Variants in NEBL observed in about 807,000 individuals in gnomAD.
NEBL encodes LIM and SH3 protein 2.
A neutral mutation model predicts 140.2 loss-of-function variants in NEBL; 122 were observed. The ratio of observed to expected loss-of-function variants is 0.87; its 90% confidence interval spans 0.75 to 1.01. The LOEUF is 1.01. NEBL is among the 50% of genes least tolerant of loss of function. The pLI, the probability that NEBL is intolerant of heterozygous loss-of-function variation, is 0.00. For missense variants in NEBL, 1,365 were observed against 1,231.3 expected, an observed-to-expected ratio of 1.11 and a Z score of -1.62; for synonymous variants, 436 against 398.9, an observed-to-expected ratio of 1.09 and a Z score of -1.11.
chr10:21,215,491 A>G (rs1312112869), intron 3 of NEBL, among the ~76,000 whole-genome samples: 3 of 152,222 alleles, frequency 2.0e-5, no homozygotes, highest in Admixed American at 2.0e-4. Context: ...AATGTAGCAC[A>G]AAAGTAAATA....
In NEBL at chr10:20,869,751, T is replaced by C; in HGVS notation, c.571A>G (p.Ile191Val). Residue 191 changes from isoleucine to valine, a missense_variant, in exon 6 of 28, where the codon ATC (isoleucine) becomes GTC (valine). By Grantham distance (29) the Ile-to-Val change is conservative. Transcript: ENST00000377122. ...DIKMATQISK[I>V]ISNAEYKKGQ... The stretch of plus-strand genomic sequence containing the variant: ...GAAAGAGAAGTTACATTGCTTATGA[T>C]CTTAGAGATCTGGGTTGCCATCTTG... 1 of 1,607,818 alleles carries C rather than the reference T, an allele frequency of 6.2e-7. No homozygotes were observed. Among genetic ancestry groups the C allele is most frequent in the Non-Finnish European group, 8.5e-7 (1 of 1,174,282 alleles).
chr10:20,972,416 G>C (rs936222638), intron 3 of NEBL, among the ~76,000 whole-genome samples: 18 of 152,082 alleles, frequency 1.2e-4, no homozygotes, highest in Non-Finnish European at 2.6e-4. Flanking sequence ...AAAAAACTCT[G>C]TAAACAGCAA....
At chr10:21,112,991 G>A in intron 2 of NEBL, 1 of 296,250 alleles carries the variant, frequency 3.4e-6, no homozygotes, top group Non-Finnish European at 6.3e-6. Context: ...AGTTTCCACA[G>A]AAAAAAAGTA....
intron 4 of NEBL, among the ~76,000 whole-genome samples, chr10:20,941,918 A>G (rs1834890168): frequency 6.6e-6 from 1 of 152,214 alleles, no homozygotes; most frequent in South Asian, 2.1e-4. Context: ...ACTACAAACC[A>G]CTGCTCAATG....
chr10:20,992,155 T>C (rs1837481858), intron 3 of NEBL, among the ~76,000 whole-genome samples: 1 of 152,254 alleles, frequency 6.6e-6, no homozygotes, highest in African/African-American at 2.4e-5. Flanking sequence ...TTTCACTTTT[T>C]AAAAATTACT....
At chr10:21,238,736 A>AAGAG in intron 3 of NEBL, among the ~76,000 whole-genome samples, 1 of 150,262 alleles carries the variant, frequency 6.7e-6, no homozygotes, top group South Asian at 2.1e-4. Flanking sequence ...AAAAAAAAAA[A>AAGAG]AAAAAGAGAA....
At chr10:20,866,141 T>C (rs780683172) in intron 7 of NEBL, among the ~76,000 whole-genome samples, 11 of 152,174 alleles carry the variant, frequency 7.2e-5, no homozygotes, top group Non-Finnish European at 1.6e-4. Flanking sequence ...AATTGAACCC[T>C]AAAATGCTTC....
At chr10:20,863,468 T>A (rs149321738) in intron 7 of NEBL, among the ~76,000 whole-genome samples, 3 of 152,280 alleles carry the variant, frequency 2.0e-5, no homozygotes, top group East Asian at 3.9e-4. Flanking sequence ...TCCCCAGCAA[T>A]CTTGGATGAA....
chr10:20,844,685 A>G (rs554504936), intron 12 of NEBL, among the ~76,000 whole-genome samples: 1 of 152,038 alleles, frequency 6.6e-6, no homozygotes, highest in Admixed American at 6.6e-5. Context: ...CCTCTATTCT[A>G]TATGTTAAAT....
chr10:20,813,591 T>C (rs1838390445), intron 23 of NEBL: 1 of 214,166 alleles, frequency 4.7e-6, no homozygotes, highest in African/African-American at 2.3e-5. Context: ...AAAACACAGC[T>C]TTAAAAACAC....
intron 3 of NEBL, among the ~76,000 whole-genome samples, chr10:20,980,316 GT>G (rs11377677): frequency 2.0e-5 from 3 of 149,172 alleles, no homozygotes; most frequent in Admixed American, 6.7e-5. Flanking sequence ...ACATAAAAAA[GT>G]TTTTTTTGTT....
At chr10:21,213,358 A>G (rs927188938) in intron 3 of NEBL, among the ~76,000 whole-genome samples, 3 of 152,162 alleles carry the variant, frequency 2.0e-5, no homozygotes, top group Admixed American at 1.3e-4. Context: ...AGAAGATTCA[A>G]AACAGATGGA....
chr10:21,125,846 C>A lies in NEBL; in HGVS notation c.164+46537G>T. 1.9e-6 allele frequency: 3 copies of A among 1,611,776 alleles called. No homozygotes were observed. In the African/African-American group the frequency reaches 4.0e-5, roughly 22 times the overall value. ...ATTTACAAAAAAGTCATTTTCAGCA[C>A]CTTCTTAGATACGTTGAACTTTTCT... On this transcript the variant is annotated intron_variant, in intron 2 of 6. Transcript: ENST00000417816.
intron 4 of NEBL, among the ~76,000 whole-genome samples, chr10:20,905,147 A>G (rs1472642092): frequency 6.6e-6 from 1 of 152,236 alleles, no homozygotes; most frequent in Non-Finnish European, 1.5e-5. Flanking sequence ...CATTAGAACT[A>G]TAACTTACAC....
At chr10:21,026,322 T>C (rs1161294746) in intron 2 of NEBL, among the ~76,000 whole-genome samples, 1 of 55,378 alleles carries the variant, frequency 1.8e-5, no homozygotes, top group Non-Finnish European at 5.6e-5. Context: ...TATCCTACAG[T>C]ACACTGTACA....
chr10:20,795,227 A>G (rs889880769), intron 26 of NEBL, among the ~76,000 whole-genome samples: 1 of 152,314 alleles, frequency 6.6e-6, no homozygotes, highest in African/African-American at 2.4e-5. Flanking sequence ...TTGGGGCAGT[A>G]GAAGTGAGAA....
intron 21 of NEBL, 59 bp downstream of exon 21, chr10:20,817,541 A>T: frequency 7.7e-7 from 1 of 1,304,140 alleles, no homozygotes; most frequent in South Asian, 1.2e-5. Flanking sequence ...CAATCCCTTC[A>T]TTCACACGTG....
chr10:20,806,967 T>C (rs1210869447), intron 26 of NEBL, among the ~76,000 whole-genome samples: 1 of 152,156 alleles, frequency 6.6e-6, no homozygotes, highest in Admixed American at 6.5e-5. Context: ...AATATCAATA[T>C]TATTCTGCAT....
At chr10:21,266,105 G>T (rs1842794059) in intron 1 of NEBL, among the ~76,000 whole-genome samples, 1 of 151,874 alleles carries the variant, frequency 6.6e-6, no homozygotes, top group Admixed American at 6.6e-5. Flanking sequence ...CGATCACCAG[G>T]TATGCTGATT....
Sources: gnomAD v4.1 joint callset for allele counts (sites outside exome capture counted in the v4.1 genomes callset) on GRCh38, gnomAD v4.1.1 for gene constraint, MANE v1.5 for transcripts, NCBI Gene and HGNC (gene_info 2026-07-23, HGNC 2026-07-21) for gene names.